USP45: variants seen among roughly 807,000 people sequenced by gnomAD.
The protein encoded by USP45 is ubiquitin specific peptidase 45.
Under a neutral mutation model 95.8 loss-of-function variants are expected in USP45, and 89 were observed. The observed-to-expected ratio is 0.93, with a 90% CI of 0.78 to 1.11. The LOEUF is 1.11. Ranked by LOEUF, USP45 falls within the 50% of genes least tolerant of loss-of-function variation. USP45 has a pLI of 0.00. For synonymous variants in USP45, 281 were observed against 316.2 expected, an observed-to-expected ratio of 0.89 and a Z score of 1.18; for missense variants, 898 against 942.5, an observed-to-expected ratio of 0.95 and a Z score of 0.62.
chr6:99,495,329 G>A (rs1224160962), intron 5 of USP45, among the ~76,000 whole-genome samples: 1 of 152,202 alleles, frequency 6.6e-6, no homozygotes, highest in East Asian at 1.9e-4. Context: ...TACTAAATTG[G>A]TGTCTTTCTT....
intron 5 of USP45, among the ~76,000 whole-genome samples, chr6:99,496,814 C>T (rs1365630886): frequency 6.6e-6 from 1 of 151,612 alleles, no homozygotes; most frequent in African/African-American, 2.4e-5. Context: ...ACTGAGCATA[C>T]GTTAATGGGG....
chr6:99,462,370 G>A (rs1198314984), intron 13 of USP45: 19 of 984,046 alleles, frequency 1.9e-5, no homozygotes, highest in Non-Finnish European at 2.3e-5. Flanking sequence ...TTTGGATAGC[G>A]GATGTATTAA....
chr6:99,468,270 T>G, intron 10 of USP45: 1 of 505,908 alleles, frequency 2.0e-6, no homozygotes, highest in Non-Finnish European at 3.8e-6. Flanking sequence ...CAACAACCTT[T>G]CAAGTTTCCC....
chr6:99,516,910 G>T (rs1801150388), upstream of USP45, among the ~76,000 whole-genome samples: 1 of 152,106 alleles, frequency 6.6e-6, no homozygotes, highest in African/African-American at 2.4e-5. Context: ...GATTGAATTA[G>T]ATTATGGAAA....
Position 99,482,749 on chromosome 6 carries a change from C to A in USP45, c.845+4G>T. The A allele has an allele frequency of 6.3e-7, 1 of 1,588,544 alleles. No homozygotes were observed. The highest frequency in any genetic ancestry group is 8.6e-7 in the Non-Finnish European group (1 of 1,169,164). ...TTATTTATATTAAATGTAGATGCAC[C>A]CACTTCTGACAAAGCTGATTAAAAA... On this transcript the variant is annotated splice_donor_region_variant and intron_variant, in intron 8 of 17. Transcript: ENST00000500704.
rs572772699 is a variant in USP45 at position 99,463,461 on chromosome 6, A to G, written c.1308+1143T>C. Among the ~76,000 whole-genome samples, 7 of 152,318 alleles carry G rather than the reference A, an allele frequency of 4.6e-5. No homozygotes were observed. The East Asian group carries it at 1.3e-3, about 29-fold the overall frequency. On this transcript the variant is annotated intron_variant, in intron 13 of 17. Transcript: ENST00000500704. ...GGTGACAGAGGAATCTGTTAACACCATGCTGCTGAAAAAAAGGACCTGATT... is the reference window on the plus strand; with the variant it reads ...GGTGACAGAGGAATCTGTTAACACCGTGCTGCTGAAAAAAAGGACCTGATT...
At chr6:99,500,898 C>G (rs1401801285) in intron 5 of USP45, among the ~76,000 whole-genome samples, 1 of 152,188 alleles carries the variant, frequency 6.6e-6, no homozygotes, top group African/African-American at 2.4e-5. Flanking sequence ...TCCTCCAGTT[C>G]CTTCACCATT....
chr6:99,446,379 TTTC>T lies in USP45; in HGVS notation c.1390_1392del (p.Glu464del), dbSNP rs760566605. 1.2e-6 allele frequency: 2 copies of T among 1,614,214 alleles called. No homozygotes were observed. Among genetic ancestry groups the T allele is most frequent in the Non-Finnish European group, 1.7e-6 (2 of 1,180,038 alleles). On this transcript the variant is annotated inframe_deletion, in exon 14 of 18. Coordinates refer to ENST00000500704, the MANE Select transcript of USP45 (RefSeq NM_001346022.3). ...GCAAACATTAAAGAATCCCCATTCA[TTTC>T]AAGGTTTTCATTTTTCTGGTATGTG...
intron 13 of USP45, among the ~76,000 whole-genome samples, 196 bp downstream of exon 13, chr6:99,464,408 A>G (rs1022027300): frequency 2.1e-4 from 32 of 152,232 alleles, no homozygotes; most frequent in African/African-American, 4.3e-4. Flanking sequence ...TTATCCAAAA[A>G]TAGTCTGGGA....
At position 99,432,953 on chromosome 6, in the gene USP45, A is replaced by C. The variant is rs1779926059; in HGVS notation, c.*2763T>G. ...GCTCTGTTGGTACATTTAAAATAAG[A>C]GAACAGGCATCAACTATTCTTTGAA... On this transcript the variant is annotated 3_prime_UTR_variant, in exon 18 of 18. Coordinates refer to ENST00000500704, the MANE Select transcript of USP45 (RefSeq NM_001346022.3). 6.6e-6 allele frequency: 1 copy of C among 152,526 alleles called. No homozygotes were observed. Among genetic ancestry groups the C allele is most frequent in the South Asian group, 2.1e-4 (1 of 4,834 alleles). The allele number at this position is 152,526 out of a possible 1,614,324, so 9.4% of individuals were successfully genotyped here.
chr6:99,508,784 T>C lies in USP45; in HGVS notation c.101-2A>G. ...TTACATGTTGGCAAGTTAAACCTAC[T>C]GAATAAGATAAAACAAAATCTCAAC... is the stretch of plus-strand genomic sequence containing the variant. On this transcript the variant is annotated splice_acceptor_variant, in intron 2 of 17. Transcript: ENST00000500704. LOFTEE classifies it high-confidence loss of function. The C allele has an allele frequency of 2.5e-6, 4 of 1,604,892 alleles. No homozygotes were observed. The highest frequency in any genetic ancestry group is 3.4e-6 in the Non-Finnish European group (4 of 1,176,614).
rs1019321168 is a variant in USP45, at chr6:99,435,383, A to G, written c.*333T>C. On this transcript the variant is annotated 3_prime_UTR_variant, in exon 18 of 18. Coordinates refer to ENST00000500704, the MANE Select transcript of USP45 (RefSeq NM_001346022.3). ...CATTTAGGAATCACTGTCTCAAGGA[A>G]TGATTTGACTTAGCCAGCATCATTT... The G allele has an allele frequency of 5.6e-5, 10 of 177,996 alleles. No homozygotes were observed. The highest frequency in any genetic ancestry group is 3.7e-4 in the South Asian group (2 of 5,416). The allele number at this position is 177,996 out of a possible 1,614,324, so 11.0% of individuals were successfully genotyped here. A position where few individuals can be genotyped will look rare whatever the true frequency, so the allele number is the denominator to read the frequency against.
At chr6:99,442,076 T>G (rs1002202153) in intron 15 of USP45, among the ~76,000 whole-genome samples, 9 of 152,204 alleles carry the variant, frequency 5.9e-5, no homozygotes, top group Non-Finnish European at 1.3e-4. Context: ...TTGCTGACAT[T>G]ACATTTAGCT....
At chr6:99,516,589 A>G (rs1176029290), upstream of USP45, among the ~76,000 whole-genome samples, 1 of 152,234 alleles carries the variant, frequency 6.6e-6, no homozygotes, top group Admixed American at 6.5e-5. Context: ...GAGCACAGAT[A>G]TGCCAGTTGC....
intron 9 of USP45, 47 bp from the exon 10 acceptor site, chr6:99,468,665 G>A (rs1377701969): frequency 1.6e-6 from 2 of 1,249,782 alleles, no homozygotes; most frequent in Non-Finnish European, 2.3e-6. Flanking sequence ...AGTTAACTCA[G>A]GCCTCATCCT....
At chr6:99,501,144 T>C (rs537394573) in intron 5 of USP45, among the ~76,000 whole-genome samples, 1 of 152,124 alleles carries the variant, frequency 6.6e-6, no homozygotes, top group Non-Finnish European at 1.5e-5. Context: ...TCACTACATG[T>C]AATCCACTCA....
intron 13 of USP45, among the ~76,000 whole-genome samples, chr6:99,447,660 A>C (rs1464495468): frequency 6.6e-6 from 1 of 152,172 alleles, no homozygotes; most frequent in Non-Finnish European, 1.5e-5. Context: ...ACCCCTGCAG[A>C]CTTGAATGTC....
At chr6:99,449,877 C>T (rs1783459485) in intron 13 of USP45, among the ~76,000 whole-genome samples, 2 of 152,170 alleles carry the variant, frequency 1.3e-5, no homozygotes, top group Admixed American at 6.5e-5. Context: ...TTAAGAAACT[C>T]ACTCAAAACC....
intron 17 of USP45, 22 bp downstream of exon 17, chr6:99,437,224 A>C: frequency 6.3e-7 from 1 of 1,588,384 alleles, no homozygotes; most frequent in African/African-American, 1.4e-5. Flanking sequence ...TTTAAGAATA[A>C]AATAAACTTA....
Sources: allele counts gnomAD v4.1 joint callset (sites outside exome capture counted in the v4.1 genomes callset), GRCh38; gene constraint gnomAD v4.1.1; transcripts MANE v1.5; gene names NCBI Gene and HGNC (gene_info 2026-07-23, HGNC 2026-07-21).